Variants in UNC5A observed in about 807,000 individuals in gnomAD.
The protein encoded by UNC5A is unc-5 netrin receptor A.
UNC5A carries 20 observed loss-of-function variants against 87.4 expected under a neutral mutation model. The ratio of observed to expected loss-of-function variants is 0.23; its 90% CI spans 0.16 to 0.33. The LOEUF (loss-of-function observed/expected upper bound fraction) is 0.33. Among genes scored for constraint, UNC5A ranks in the 10% least tolerant of loss-of-function variants. The pLI, the probability that UNC5A is intolerant of heterozygous loss-of-function variation, is 1.00. For synonymous variants in UNC5A, 438 were observed against 482.3 expected, an observed-to-expected ratio of 0.91 and a Z score of 1.20; for missense variants, 844 against 1,133.4, an observed-to-expected ratio of 0.74 and a Z score of 3.67.
chr5:176,865,111 CA>C lies in UNC5A; in HGVS notation c.292+2267del, dbSNP rs1757940526. The C allele has an allele frequency of 3.1e-6, 1 of 324,858 alleles. No homozygotes were observed. 20.1% of individuals were successfully genotyped at this position (324,858 alleles called of 1,614,324 possible). A position where few individuals can be genotyped will look rare whatever the true frequency, so the allele number is the denominator to read the frequency against. On this transcript the variant is annotated intron_variant, in intron 2 of 14. Transcript: ENST00000329542. This position sits in a 1 kb window ranked among gnomAD's most constrained non-coding sequence, Gnocchi z 5.3. ...AAATCTCACGTGCCCAGTCAGGACC[CA>C]GCACGGGGCCTTTCCTTTCTCCCCA...
chr5:176,825,443 G>A (rs1451315534), intron 1 of UNC5A, among the ~76,000 whole-genome samples: 5 of 152,220 alleles, frequency 3.3e-5, no homozygotes, highest in East Asian at 1.9e-4. Context: ...GCCGGAGGAC[G>A]CTGTGCTCAG....
At chr5:176,863,355 G>A (rs905853845) in intron 2 of UNC5A, among the ~76,000 whole-genome samples, 1 of 152,212 alleles carries the variant, frequency 6.6e-6, no homozygotes, top group African/African-American at 2.4e-5. Flanking sequence ...AGCAGTGAGG[G>A]TGAGGGTGTG....
intron 3 of UNC5A, 126 bp from the exon 4 acceptor site, chr5:176,868,435 G>T: frequency 7.0e-7 from 1 of 1,425,836 alleles, no homozygotes; most frequent in African/African-American, 1.4e-5. Context: ...GCCACCCCAT[G>T]GCCCCCTGGC....
At chr5:176,862,946 C>T (rs1757879228) in intron 2 of UNC5A, 101 bp downstream of exon 2, 4 of 1,401,090 alleles carry the variant, frequency 2.9e-6, no homozygotes, top group African/African-American at 2.9e-5. Context: ...CACCTGGGAC[C>T]CCGGAGGCCT....
chr5:176,879,550 G>T, intron 14 of UNC5A, 62 bp downstream of exon 14: 1 of 1,550,108 alleles, frequency 6.5e-7, no homozygotes, highest in Non-Finnish European at 8.7e-7. Flanking sequence ...CCGGCGGCGG[G>T]GTGGGTGAGG....
chr5:176,830,613 T>TGC (rs1390335403), intron 1 of UNC5A, among the ~76,000 whole-genome samples: 5 of 140,520 alleles, frequency 3.6e-5, no homozygotes, highest in Non-Finnish European at 7.7e-5. Flanking sequence ...GGTGTGTGTG[T>TGC]GCGCTGGCGT....
intron 2 of UNC5A, chr5:176,864,730 G>C (rs1757930212): frequency 4.8e-6 from 2 of 413,478 alleles, no homozygotes; most frequent in Non-Finnish European, 9.8e-6. Context: ...GGTGTTCGCT[G>C]AGCACCTGCT....
At position 176,839,833 on chromosome 5, in the gene UNC5A, T is replaced by TC. The variant is rs1554097647; in HGVS notation, c.71-22790dup. ...TTTTTTTTTTTTTTTTTTTTTTTTT[T>TC]CTTGACAGAGTCTCACTCTGTCGCC... On this transcript the variant is annotated intron_variant, in intron 1 of 14. Coordinates refer to ENST00000329542, the MANE Select transcript of UNC5A (RefSeq NM_133369.3). Among the ~76,000 whole-genome samples the TC allele has an allele frequency of 3.3e-3, 471 of 141,410 alleles. 10 individuals are homozygous for TC. The highest frequency in any genetic ancestry group is 0.012 in the African/African-American group (433 of 35,080). The allele number at this position is 141,410 out of a possible 152,430, so 92.8% of individuals were successfully genotyped here. A position where few individuals can be genotyped will look rare whatever the true frequency, so the allele number is the denominator to read the frequency against.
chr5:176,810,827 C>A lies in UNC5A; in HGVS notation c.70+7C>A. On this transcript the variant is annotated splice_region_variant and intron_variant, in intron 1 of 14. Transcript: ENST00000329542. The surrounding 1 kb of genome is among the most constrained non-coding windows in gnomAD (Gnocchi z 7.3). ...GCTTGGCTCCGCGGCTCGGGTGAGT[C>A]ACGCCGCGCGCGCTCTGGGGAGGCT... The A allele has an allele frequency of 1.6e-6, 2 of 1,222,286 alleles. No homozygotes were observed. Among genetic ancestry groups the A allele is most frequent in the South Asian group, 4.1e-5 (1 of 24,246 alleles). 75.7% of individuals were successfully genotyped at this position (1,222,286 alleles called of 1,614,324 possible).
chr5:176,852,423 G>T (rs575120704), intron 1 of UNC5A, among the ~76,000 whole-genome samples: 5 of 152,180 alleles, frequency 3.3e-5, no homozygotes, highest in South Asian at 4.2e-4. Context: ...GCCGGCCAAG[G>T]ATCCCAAGGC....
chr5:176,877,800 C>T (rs899126255), intron 10 of UNC5A, 94 bp from the exon 11 acceptor site: 11 of 1,511,898 alleles, frequency 7.3e-6, no homozygotes, highest in African/African-American at 5.5e-5. Flanking sequence ...GCCGCACCCC[C>T]ACCCCTCCCC....
chr5:176,872,181 C>CA (rs1427626768), intron 6 of UNC5A, among the ~76,000 whole-genome samples: 15 of 63,070 alleles, frequency 2.4e-4, no homozygotes, highest in Non-Finnish European at 1.8e-4. Context: ...ACACTCGCCC[C>CA]ACACCACAGC....
rs964769909 is a variant in UNC5A at position 176,869,765 on chromosome 5, C to T, written c.722-605C>T. ...GGCAGAATGTCCAGAAAACAGCCTGCGCCACCCTGTGCCCAGGTACCAGCG... is the reference window on the plus strand; with the variant it reads ...GGCAGAATGTCCAGAAAACAGCCTGTGCCACCCTGTGCCCAGGTACCAGCG... On this transcript the variant is annotated intron_variant, in intron 5 of 14. Transcript: ENST00000329542. This position sits in a 1 kb window ranked among gnomAD's most constrained non-coding sequence, Gnocchi z 9.1. 3.3e-5 allele frequency: 20 copies of T among 611,028 alleles called. No individual in the cohort carries two copies. Among genetic ancestry groups the T allele is most frequent in the African/African-American group, 2.2e-4 (12 of 53,752 alleles). The allele number at this position is 611,028 out of a possible 1,614,324, so 37.9% of individuals were successfully genotyped here.
In UNC5A at chr5:176,875,143, T is replaced by TGCC. The variant is rs1240981138; in HGVS notation, c.1378+578_1378+580dup. Among the ~76,000 whole-genome samples the TGCC allele has an allele frequency of 1.3e-5, 2 of 152,164 alleles. No individual in the cohort carries two copies. The highest frequency in any genetic ancestry group is 4.8e-5 in the African/African-American group (2 of 41,430). ...GCTGCCTGTTCCATAAATGTAGGTG[T>TGCC]GCCTCCGAGCTCCCTCCCAGTGCCC... On this transcript the variant is annotated intron_variant, in intron 8 of 14. Transcript: ENST00000329542. The surrounding 1 kb of genome is among the most constrained non-coding windows in gnomAD (Gnocchi z 5.2).
Position 176,877,559 on chromosome 5 carries a change from C to A in UNC5A, c.1491C>A (p.Thr497=). Residue 497 remains threonine (T), a synonymous_variant, in exon 10 of 15, where the codon ACC becomes ACA. Coordinates refer to ENST00000329542, the MANE Select transcript of UNC5A (RefSeq NM_133369.3). ...GGTTGCCCCTAGCTGGCTGTCAGAC[C>A]CTGCTGAGTCCCATCGTTAGCTGTG... is the stretch of plus-strand genomic sequence containing the variant. ...DVRLPLAGCQ[T]LLSPIVSCGP... The A allele has an allele frequency of 3.1e-6, 5 of 1,603,740 alleles. No individual in the cohort carries two copies. The South Asian group carries it at 4.4e-5, about 14-fold the overall frequency.
chr5:176,862,788 G>C lies in UNC5A; in HGVS notation c.235G>C (p.Gly79Arg). 1 of 1,613,530 alleles carries C rather than the reference G, an allele frequency of 6.2e-7. No individual in the cohort carries two copies. ...PATQIFFKCNGEWVRQVDHVI... is the reference protein window; with the variant it reads ...PATQIFFKCNREWVRQVDHVI... ...CACGCAGATCTTCTTCAAGTGCAACGGGGAGTGGGTGCGCCAGGTGGACCA... is the reference window on the plus strand; with the variant it reads ...CACGCAGATCTTCTTCAAGTGCAACCGGGAGTGGGTGCGCCAGGTGGACCA... The change falls in exon 2 of 15, where the codon GGG becomes CGG. Residue 79 changes from glycine (G) to arginine (R), a missense_variant. Physicochemically the swap from Gly to Arg is moderately radical, Grantham distance 125. This residue lies in a region of UNC5A where 314 missense variants were observed against 466.5 expected (regional missense o/e 0.67). Coordinates refer to ENST00000329542, the MANE Select transcript of UNC5A (RefSeq NM_133369.3).
At position 176,880,112 on chromosome 5, in the gene UNC5A, C is replaced by T. The variant is rs1561673623; in HGVS notation, c.*226C>T. ...CTGCCACTCACACTCGGCCCCAGGG[C>T]CCAGGAGGGACAGTGCCTGGAGCCT... is the stretch of plus-strand genomic sequence containing the variant. On this transcript the variant is annotated 3_prime_UTR_variant, in exon 15 of 15. Coordinates refer to ENST00000329542, the MANE Select transcript of UNC5A (RefSeq NM_133369.3). 3.5e-6 allele frequency: 2 copies of T among 579,558 alleles called. No homozygotes were observed. The highest frequency in any genetic ancestry group is 6.0e-6 in the Non-Finnish European group (2 of 333,864). 35.9% of individuals were successfully genotyped at this position (579,558 alleles called of 1,614,324 possible).
Position 176,827,480 on chromosome 5 carries a change from G to A in UNC5A, c.70+16660G>A, listed in dbSNP as rs369290400. ...TTACAGGTGTGAGCCACCATGCCCA[G>A]CCTTCATTCCTTTTTGTGGTTAAAT... On this transcript the variant is annotated intron_variant, in intron 1 of 14. Transcript: ENST00000329542. Among the ~76,000 whole-genome samples, 8 of 152,302 alleles carry A rather than the reference G, an allele frequency of 5.3e-5. No individual in the cohort carries two copies. The East Asian group carries it at 1.5e-3, about 29-fold the overall frequency.
rs549876519 is a variant in UNC5A, at chr5:176,848,342, G to A, written c.71-14282G>A. Among the ~76,000 whole-genome samples, 4 of 152,172 alleles carry A rather than the reference G, an allele frequency of 2.6e-5. No individual in the cohort carries two copies. Among genetic ancestry groups the A allele is most frequent in the Admixed American group, 6.5e-5 (1 of 15,296 alleles). ...GGACTCAGGGCCCAGACAGGGCAGC[G>A]GCTCATCTGAGGCTGCATAGTGACA... is the stretch of plus-strand genomic sequence containing the variant. On this transcript the variant is annotated intron_variant, in intron 1 of 14. Transcript: ENST00000329542. The surrounding 1 kb of genome is among the most constrained non-coding windows in gnomAD (Gnocchi z 5.8).
Sources: allele counts gnomAD v4.1 joint callset (sites outside exome capture counted in the v4.1 genomes callset), GRCh38; gene constraint gnomAD v4.1.1; regional missense constraint gnomAD v4.1.1; non-coding constraint Gnocchi (gnomAD v3.1); transcripts MANE v1.5; gene names NCBI Gene and HGNC (gene_info 2026-07-23, HGNC 2026-07-21).